ZNF326: variants seen among roughly 807,000 people sequenced by gnomAD.
ZNF326 encodes zinc finger protein 326.
ZNF326 carries 30 observed loss-of-function variants against 63.1 expected under a neutral mutation model. The ratio of observed to expected loss-of-function variants is 0.48; its 90% CI spans 0.36 to 0.64. ZNF326 has a LOEUF of 0.64. Among genes scored for constraint, ZNF326 ranks in the 30% least tolerant of loss-of-function variants. ZNF326 has a pLI of 0.00. For missense variants in ZNF326, 609 were observed against 720.3 expected, an observed-to-expected ratio of 0.85 and a Z score of 1.77; for synonymous variants, 194 against 228.2, an observed-to-expected ratio of 0.85 and a Z score of 1.35.
intron 6 of ZNF326, 61 bp from the exon 7 acceptor site, chr1:90,013,065 G>GA: frequency 7.1e-7 from 1 of 1,418,430 alleles, no homozygotes; most frequent in Non-Finnish European, 9.7e-7. Context: ...ACGAACTGAT[G>GA]ATTGGAAAGA....
chr1:90,017,207 A>T, intron 7 of ZNF326, 110 bp from the exon 8 acceptor site: 2 of 795,262 alleles, frequency 2.5e-6, no homozygotes, highest in Non-Finnish European at 3.8e-6. Context: ...ATAAAGAGGA[A>T]GAAAGGAAAT....
In ZNF326 at chr1:90,027,575, A is replaced by T. The variant is rs1557532815; in HGVS notation, c.1623A>T (p.Gly541=). Residue 541 remains glycine (G), a synonymous_variant, in exon 12 of 12, where the codon GGA becomes GGT. Coordinates refer to ENST00000340281, the MANE Select transcript of ZNF326 (RefSeq NM_182976.4). ...GEGNIQGVGE[G]GEVGVVGEVE... is the part of the protein sequence containing the mutation. Reference sequence around the variant, plus strand: ...GAAATATACAGGGAGTAGGGGAAGGAGGGGAAGTAGGGGTAGTGGGAGAAG... The same window carrying T: ...GAAATATACAGGGAGTAGGGGAAGGTGGGGAAGTAGGGGTAGTGGGAGAAG... The T allele has an allele frequency of 6.2e-7, 1 of 1,606,256 alleles. No homozygotes were observed. The highest frequency in any genetic ancestry group is 8.5e-7 in the Non-Finnish European group (1 of 1,175,542).
chr1:90,002,689 G>A (rs895821891), intron 2 of ZNF326, among the ~76,000 whole-genome samples: 1 of 152,146 alleles, frequency 6.6e-6, no homozygotes, highest in Non-Finnish European at 1.5e-5. Context: ...TTGAATTGAA[G>A]TGCTCTGTAA....
intron 7 of ZNF326, among the ~76,000 whole-genome samples, chr1:90,016,606 A>G (rs1285423131): frequency 2.0e-5 from 3 of 152,046 alleles, no homozygotes; most frequent in African/African-American, 7.2e-5. Context: ...AGTCCCAGGT[A>G]CTTGGGAGGC....
At chr1:90,027,271 T>C (rs1355723008) in intron 11 of ZNF326, 83 bp from the exon 12 acceptor site, 7 of 1,306,320 alleles carry the variant, frequency 5.4e-6, no homozygotes, top group Non-Finnish European at 7.5e-6. Context: ...TTATTTCTCA[T>C]GATATGGCAA....
chr1:89,995,584 C>A (rs1158612815), intron 1 of ZNF326, among the ~76,000 whole-genome samples: 6 of 152,264 alleles, frequency 3.9e-5, no homozygotes, highest in Admixed American at 2.0e-4. Context: ...ATTGCCCCGA[C>A]GTCTCCAACT....
chr1:90,001,168 G>T (rs1307246164), intron 2 of ZNF326, among the ~76,000 whole-genome samples: 2 of 152,120 alleles, frequency 1.3e-5, no homozygotes, highest in African/African-American at 4.8e-5. Context: ...CCCCCTAGTT[G>T]TGACAACCAA....
At chr1:90,026,441 C>T (rs892318585) in intron 11 of ZNF326, among the ~76,000 whole-genome samples, 2 of 152,182 alleles carry the variant, frequency 1.3e-5, no homozygotes, top group Admixed American at 6.5e-5. Context: ...CTGAACTCTC[C>T]TCTCTTTTGA....
At chr1:90,016,936 T>C (rs1038611601) in intron 7 of ZNF326, among the ~76,000 whole-genome samples, 13 of 152,330 alleles carry the variant, frequency 8.5e-5, no homozygotes, top group African/African-American at 2.9e-4. Context: ...GCTTTATTGA[T>C]ACTACCATTG....
In ZNF326 at chr1:90,030,010, C is replaced by G. The variant is rs1650196122; in HGVS notation, c.*2309C>G. On this transcript the variant is annotated 3_prime_UTR_variant, in exon 12 of 12. Coordinates refer to ENST00000340281, the MANE Select transcript of ZNF326 (RefSeq NM_182976.4). ...TTTCAACTTCTGTTTTCAAGTATCA[C>G]TTGTTTTCTCTATTACAAAGTGAGA... 1 of 152,202 alleles carries G rather than the reference C, an allele frequency of 6.6e-6. No homozygotes were observed. The highest frequency in any genetic ancestry group is 2.4e-5 in the African/African-American group (1 of 41,460). The allele number at this position is 152,202 out of a possible 1,614,324, so 9.4% of individuals were successfully genotyped here.
At position 90,029,517 on chromosome 1, in the gene ZNF326, C is replaced by T. The variant is rs1177905051; in HGVS notation, c.*1816C>T. On this transcript the variant is annotated 3_prime_UTR_variant, in exon 12 of 12. Coordinates refer to ENST00000340281, the MANE Select transcript of ZNF326 (RefSeq NM_182976.4). The stretch of plus-strand genomic sequence containing the variant: ...AGGACTTGTTACCCTCTTATTTCTC[C>T]TTTATTTTTAAAAATATTTGTGGAA... 6.6e-6 allele frequency: 1 copy of T among 152,060 alleles called. No individual in the cohort carries two copies. The highest frequency in any genetic ancestry group is 2.4e-5 in the African/African-American group (1 of 41,398). The allele number at this position is 152,060 out of a possible 1,614,324, so 9.4% of individuals were successfully genotyped here. A position where few individuals can be genotyped will look rare whatever the true frequency, so the allele number is the denominator to read the frequency against.
chr1:90,027,055 A>ATG (rs1650043959), intron 11 of ZNF326, among the ~76,000 whole-genome samples: 1 of 103,262 alleles, frequency 9.7e-6, no homozygotes, highest in Admixed American at 1.2e-4. Flanking sequence ...TGTCTTTGTC[A>ATG]TGTGTATATA....
At position 90,008,418 on chromosome 1, in the gene ZNF326, T is replaced by G. The variant is rs530549056; in HGVS notation, c.615+668T>G. ...GAAATAATTTCCACCTGTACAGATATGTTTATGGTTTCTTCTTAGGAAGTA... is the reference window on the plus strand; with the variant it reads ...GAAATAATTTCCACCTGTACAGATAGGTTTATGGTTTCTTCTTAGGAAGTA... On this transcript the variant is annotated intron_variant, in intron 5 of 11. Coordinates refer to ENST00000340281, the MANE Select transcript of ZNF326 (RefSeq NM_182976.4). Among the ~76,000 whole-genome samples the G allele has an allele frequency of 3.3e-3, 506 of 152,326 alleles. 1 individual carries two copies. Among genetic ancestry groups the G allele is most frequent in the Middle Eastern group, 0.017 (5 of 294 alleles).
At chr1:90,012,173 T>C (rs558153167) in intron 6 of ZNF326, among the ~76,000 whole-genome samples, 1 of 152,336 alleles carries the variant, frequency 6.6e-6, no homozygotes, top group African/African-American at 2.4e-5. Flanking sequence ...AGTAGCATTA[T>C]TCATAATTGC....
At chr1:90,002,057 T>C (rs1648711691) in intron 2 of ZNF326, among the ~76,000 whole-genome samples, 1 of 152,224 alleles carries the variant, frequency 6.6e-6, no homozygotes, top group South Asian at 2.1e-4. Context: ...TATGTTCTCA[T>C]GGTTTTATTT....
intron 7 of ZNF326, among the ~76,000 whole-genome samples, chr1:90,016,753 C>G (rs976745953): frequency 6.6e-6 from 1 of 151,798 alleles, no homozygotes; most frequent in African/African-American, 2.4e-5. Flanking sequence ...AAAAAAGAAG[C>G]AATTAGGTGG....
At chr1:90,006,416 C>T (rs1648991030) in intron 4 of ZNF326, 9 of 985,014 alleles carry the variant, frequency 9.1e-6, no homozygotes, top group Non-Finnish European at 1.2e-6. Context: ...TAATTGTGGG[C>T]CTTTATAAAA....
At chr1:89,998,241 G>A in intron 2 of ZNF326, 87 bp downstream of exon 2, 1 of 1,319,102 alleles carries the variant, frequency 7.6e-7, no homozygotes, top group Non-Finnish European at 1.1e-6. Flanking sequence ...TTCAGTCCTT[G>A]TTTTGGTTCT....
chr1:90,027,351 T>C lies in ZNF326; in HGVS notation c.1402-3T>C. On this transcript the variant is annotated splice_polypyrimidine_tract_variant and splice_region_variant and intron_variant, in intron 11 of 11. Coordinates refer to ENST00000340281, the MANE Select transcript of ZNF326 (RefSeq NM_182976.4). ...TTTTGAAAGCCATTTCTTATGTTTT[T>C]AGGGTGAGAATCCTTTTGAAATTCA... 1 of 1,612,806 alleles carries C rather than the reference T, an allele frequency of 6.2e-7. No individual in the cohort carries two copies. The highest frequency in any genetic ancestry group is 1.1e-5 in the South Asian group (1 of 90,816).
Sources: allele counts gnomAD v4.1 joint callset (sites outside exome capture counted in the v4.1 genomes callset), GRCh38; gene constraint gnomAD v4.1.1; transcripts MANE v1.5; gene names NCBI Gene and HGNC (gene_info 2026-07-23, HGNC 2026-07-21).